The following ITIH2 variants were observed in gnomAD, a reference collection of about 807,000 sequenced individuals.
The protein encoded by ITIH2 is inter-alpha-trypsin inhibitor heavy chain H2.
Under a neutral mutation model 104.4 loss-of-function variants are expected in ITIH2, and 103 were observed. The observed-to-expected ratio is 0.99, with a 90% confidence interval of 0.84 to 1.16. ITIH2 has a LOEUF of 1.16. ITIH2 is among the 50% of genes most tolerant of loss of function. The pLI is 0.00. For missense variants in ITIH2, 1,108 were observed against 1,162.4 expected, an observed-to-expected ratio of 0.95 and a Z score of 0.68; for synonymous variants, 436 against 435.4, an observed-to-expected ratio of 1.00 and a Z score of -0.02.
In ITIH2 at chr10:7,731,794, C is replaced by A. The variant is rs766552899; in HGVS notation, c.1462-17C>A. ...CAGTAGGAACATAATTTCTCTCTCT[C>A]TCTCTGTGAATTGTAGAAATTCTAC... On this transcript the variant is annotated splice_polypyrimidine_tract_variant and intron_variant, in intron 12 of 20. Transcript: ENST00000358415. 26 of 1,556,346 alleles carry A rather than the reference C, an allele frequency of 1.7e-5. No homozygotes were observed. Among genetic ancestry groups the A allele is most frequent in the Non-Finnish European group, 1.8e-5 (20 of 1,142,806 alleles).
chr10:7,736,948 C>A (rs1010254722), intron 15 of ITIH2, among the ~76,000 whole-genome samples: 4 of 152,066 alleles, frequency 2.6e-5, no homozygotes, highest in Admixed American at 6.6e-5. Context: ...ACAGACCTAG[C>A]GTCCAAAAAA....
At chr10:7,720,640 A>C (rs1375102184) in intron 6 of ITIH2, among the ~76,000 whole-genome samples, 1 of 152,218 alleles carries the variant, frequency 6.6e-6, no homozygotes, top group Non-Finnish European at 1.5e-5. Flanking sequence ...AGGCAGCAGA[A>C]GGAGAGCTCT....
At chr10:7,729,522 A>G (rs1834981778) in intron 11 of ITIH2, among the ~76,000 whole-genome samples, 1 of 152,026 alleles carries the variant, frequency 6.6e-6, no homozygotes, top group African/African-American at 2.4e-5. Flanking sequence ...ACATACATTT[A>G]TACATGCATG....
intron 8 of ITIH2, among the ~76,000 whole-genome samples, chr10:7,722,630 T>C (rs910726058): frequency 6.6e-6 from 1 of 152,186 alleles, no homozygotes; most frequent in African/African-American, 2.4e-5. Context: ...GGGGCTGCGC[T>C]GTCTGGAACT....
intron 5 of ITIH2, 44 bp downstream of exon 5, chr10:7,713,329 G>A (rs190843528): frequency 4.2e-5 from 62 of 1,465,052 alleles, no homozygotes; most frequent in Middle Eastern, 1.7e-4. Context: ...TCTCAATGAC[G>A]GTTTCCTCTC....
chr10:7,737,642 AATATTCTATATTATATTCTATATT>A (rs1472165371), intron 15 of ITIH2, among the ~76,000 whole-genome samples: 1 of 90,318 alleles, frequency 1.1e-5, no homozygotes, highest in Non-Finnish European at 2.0e-5. Context: ...TATTCTATAG[AATATTCTATATTATATTCTATATT>A]ATATTCTATA....
At chr10:7,714,241 G>A (rs572321049) in intron 5 of ITIH2, among the ~76,000 whole-genome samples, 2 of 140,716 alleles carry the variant, frequency 1.4e-5, no homozygotes, top group East Asian at 4.2e-4. Flanking sequence ...GTGCGATCTC[G>A]GCTCACTGCA....
At chr10:7,734,836 G>A (rs926590675) in intron 14 of ITIH2, 86 bp from the exon 15 acceptor site, 99 of 1,194,448 alleles carry the variant, frequency 8.3e-5, no homozygotes, top group Non-Finnish European at 1.2e-4. Context: ...GACCCCAGCA[G>A]TGGTGGGGTG....
chr10:7,728,005 C>T (rs1011376622), intron 11 of ITIH2, among the ~76,000 whole-genome samples, 177 bp downstream of exon 11: 1 of 152,190 alleles, frequency 6.6e-6, no homozygotes, highest in African/African-American at 2.4e-5. Context: ...AGCTACTGCT[C>T]AGACACTTTC....
intron 5 of ITIH2, among the ~76,000 whole-genome samples, chr10:7,715,863 C>G (rs1834844235): frequency 6.6e-6 from 1 of 152,096 alleles, no homozygotes; most frequent in Admixed American, 6.5e-5. Context: ...GCCTCAGCCT[C>G]CCAAGCAGCT....
chr10:7,714,096 C>T (rs567260332), intron 5 of ITIH2, among the ~76,000 whole-genome samples: 8 of 151,550 alleles, frequency 5.3e-5, no homozygotes, highest in African/African-American at 1.9e-4. Flanking sequence ...CAAAAAGTAG[C>T]TTCTCTTCAA....
rs781013237 is a variant in ITIH2 at position 7,744,880 on chromosome 10, A to G, written c.2498A>G (p.Lys833Arg). Residue 833 changes from lysine (K) to arginine (R), a missense_variant, in exon 19 of 21, where the codon AAG (lysine) becomes AGG (arginine). Transcript: ENST00000358415. Reference sequence around the variant, plus strand: ...TCTGTTTTACTTCATCGTGTTTGGAAGAAGCATCCCGTCAATGTTGACTTT... The same window carrying G: ...TCTGTTTTACTTCATCGTGTTTGGAGGAAGCATCCCGTCAATGTTGACTTT... Reference protein sequence around the residue: ...SFSVLLHRVWKKHPVNVDFLG... With the variant: ...SFSVLLHRVWRKHPVNVDFLG... The G allele has an allele frequency of 6.2e-7, 1 of 1,614,136 alleles. No individual in the cohort carries two copies. Among genetic ancestry groups the G allele is most frequent in the South Asian group, 1.1e-5 (1 of 91,080 alleles).
At position 7,732,433 on chromosome 10, in the gene ITIH2, G is replaced by C; in HGVS notation, c.1743G>C (p.Arg581Ser). 6.2e-7 allele frequency: 1 copy of C among 1,614,060 alleles called. No homozygotes were observed. Among genetic ancestry groups the C allele is most frequent in the African/African-American group, 1.3e-5 (1 of 75,028 alleles). Residue 581 changes from arginine to serine, a missense_variant, in exon 14 of 21, where the codon AGG becomes AGC. By Grantham distance (110) the Arg-to-Ser change is moderately radical. Transcript: ENST00000358415. ...AGCATGCAGATCCCGATTTCACCAG[G>C]AAACTGTGGGCCTATCTAACCATCA... ...KDKHADPDFT[R>S]KLWAYLTINQ...
intron 14 of ITIH2, 95 bp downstream of exon 14, chr10:7,732,572 A>G (rs113142972): frequency 3.7e-6 from 5 of 1,342,106 alleles, no homozygotes; most frequent in Non-Finnish European, 5.2e-6. Context: ...TTTGGAAGCA[A>G]GAAAGACAGC....
At chr10:7,715,011 G>T (rs1445351452) in intron 5 of ITIH2, among the ~76,000 whole-genome samples, 20 of 152,216 alleles carry the variant, frequency 1.3e-4, no homozygotes, top group Admixed American at 1.3e-3. Flanking sequence ...AAACCCCAGA[G>T]GATACAGAGC....
rs756798571 is a variant in ITIH2 at position 7,705,124 on chromosome 10, A to G, written c.101A>G (p.Asp34Gly). The change falls in exon 2 of 21, where the codon GAT becomes GGT. Residue 34 changes from aspartate to glycine, a missense_variant. Coordinates refer to ENST00000358415, the MANE Select transcript of ITIH2 (RefSeq NM_002216.3). ...NGLSEFVDYE[D>G]LVELAPGKFQ... Reference sequence around the variant, plus strand: ...TTTTTTAAGTTTGTAGACTATGAAGATCTTGTGGAACTGGCCCCAGGCAAA... The same window carrying G: ...TTTTTTAAGTTTGTAGACTATGAAGGTCTTGTGGAACTGGCCCCAGGCAAA... The G allele has an allele frequency of 1.2e-6, 2 of 1,610,946 alleles. No individual in the cohort carries two copies. The highest frequency in any genetic ancestry group is 1.7e-6 in the Non-Finnish European group (2 of 1,177,696).
At chr10:7,748,518 ATTCTTTTTTTTTTTTTTTTT>A (rs1418192431) in intron 20 of ITIH2, among the ~76,000 whole-genome samples, 3 of 29,008 alleles carry the variant, frequency 1.0e-4, no homozygotes, top group Non-Finnish European at 2.7e-4. Context: ...CCGCCAATGC[ATTCTTTTTTTTTTTTTTTTT>A]TTTTTTTTTT....
intron 9 of ITIH2, among the ~76,000 whole-genome samples, chr10:7,724,462 C>T (rs1426121147): frequency 3.4e-5 from 5 of 148,684 alleles, no homozygotes; most frequent in Non-Finnish European, 5.9e-5. Context: ...CCCAGCTACT[C>T]GGGAGGCTGA....
chr10:7,714,186 T>TTA (rs1392695254), intron 5 of ITIH2, among the ~76,000 whole-genome samples: 1 of 145,310 alleles, frequency 6.9e-6, no homozygotes, highest in Non-Finnish European at 1.5e-5. Flanking sequence ...TTTTTTTTTT[T>TTA]TTTGAGACGG....
Sources: allele counts gnomAD v4.1 joint callset (sites outside exome capture counted in the v4.1 genomes callset), GRCh38; gene constraint gnomAD v4.1.1; transcripts MANE v1.5; gene names NCBI Gene and HGNC (gene_info 2026-07-23, HGNC 2026-07-21).